The following GNG12 variants were observed in gnomAD, a reference collection of about 807,000 sequenced individuals.
The protein encoded by GNG12 is G protein subunit gamma 12, also known as guanine nucleotide-binding protein G(I)/G(S)/G(O) subunit gamma-12.
For missense variants in GNG12, 69 were observed against 83.8 expected, an observed-to-expected ratio of 0.82 and a Z score of 0.69; for synonymous variants, 28 against 29.7, an observed-to-expected ratio of 0.94 and a Z score of 0.19.
chr1:67,723,149 A>G (rs1646365421), intron 2 of GNG12, among the ~76,000 whole-genome samples: 1 of 152,246 alleles, frequency 6.6e-6, no homozygotes, highest in African/African-American at 2.4e-5. Context: ...GAGAGCTGTG[A>G]AAATGTAAGA....
chr1:67,722,220 T>C (rs1646360190), intron 2 of GNG12, among the ~76,000 whole-genome samples: 1 of 151,976 alleles, frequency 6.6e-6, no homozygotes, highest in Admixed American at 6.5e-5. Context: ...AGAAGAGAAA[T>C]TAAATTCCTA....
chr1:67,832,344 A>C (rs1647051761), intron 1 of GNG12: 1 of 152,144 alleles, frequency 6.6e-6, no homozygotes, highest in South Asian at 2.1e-4. Context: ...TGACCACCAG[A>C]TGACCGGCCG....
At chr1:67,732,030 G>C (rs1010574467) in intron 2 of GNG12, among the ~76,000 whole-genome samples, 2 of 152,324 alleles carry the variant, frequency 1.3e-5, no homozygotes, top group South Asian at 4.1e-4. Flanking sequence ...AATAAGGAAA[G>C]AAGGTGGGAA....
At chr1:67,796,559 T>C (rs527585689) in intron 1 of GNG12, among the ~76,000 whole-genome samples, 32 of 152,312 alleles carry the variant, frequency 2.1e-4, no homozygotes, top group Admixed American at 1.8e-3. Context: ...ACAGAGTGTA[T>C]GACAGATAGT....
At chr1:67,833,110 T>A (rs1170684704) in intron 1 of GNG12, among the ~76,000 whole-genome samples, 2 of 148,488 alleles carry the variant, frequency 1.3e-5, no homozygotes, top group South Asian at 2.2e-4. Context: ...CGGTGTCCCT[T>A]GGCCCCTTCC....
chr1:67,800,057 G>C (rs942879015), intron 1 of GNG12, among the ~76,000 whole-genome samples: 1 of 152,120 alleles, frequency 6.6e-6, no homozygotes, highest in African/African-American at 2.4e-5. Context: ...CTTCTTACAG[G>C]CTGGCTGAAA....
At chr1:67,776,361 T>C (rs942630066) in intron 2 of GNG12, among the ~76,000 whole-genome samples, 6 of 152,192 alleles carry the variant, frequency 3.9e-5, no homozygotes, top group Admixed American at 2.6e-4. Context: ...ATGGCTACAT[T>C]TCTTCCCCTC....
rs112842435 is a variant in GNG12 at position 67,722,432 on chromosome 1, G to C, written c.-26-14720C>G. On this transcript the variant is annotated intron_variant, in intron 2 of 3. Coordinates refer to ENST00000370982, the MANE Select transcript of GNG12 (RefSeq NM_018841.6). The stretch of plus-strand genomic sequence containing the variant: ...GGTGGTTAAAGGGCTTACAACTCCA[G>C]CACGATGGACTGAGTCCTGCACATA... Among the ~76,000 whole-genome samples, 657 of 152,290 alleles carry C rather than the reference G, an allele frequency of 4.3e-3. 7 individuals carry two copies. Among genetic ancestry groups the C allele is most frequent in the African/African-American group, 0.015 (606 of 41,566 alleles).
chr1:67,817,369 T>A (rs919024044), intron 1 of GNG12, among the ~76,000 whole-genome samples: 6 of 152,204 alleles, frequency 3.9e-5, no homozygotes, highest in African/African-American at 4.8e-5. Flanking sequence ...TTCCCCATTT[T>A]ACAGATAAGG....
chr1:67,744,511 TAAG>T (rs974976994), intron 2 of GNG12, among the ~76,000 whole-genome samples: 2 of 152,148 alleles, frequency 1.3e-5, no homozygotes, highest in Non-Finnish European at 2.9e-5. Context: ...AGAACATTTG[TAAG>T]AAGGAGCACC....
chr1:67,751,951 G>A (rs1230563255), intron 2 of GNG12, among the ~76,000 whole-genome samples: 1 of 152,186 alleles, frequency 6.6e-6, no homozygotes, highest in Non-Finnish European at 1.5e-5. Context: ...CCAGGTTAAT[G>A]GCTGTGAAGG....
At chr1:67,820,774 A>G (rs1259392667) in intron 1 of GNG12, among the ~76,000 whole-genome samples, 1 of 152,202 alleles carries the variant, frequency 6.6e-6, no homozygotes, top group Non-Finnish European at 1.5e-5. Flanking sequence ...GGAGTGAGAA[A>G]GTGTATGTGA....
At chr1:67,764,313 G>A (rs182474018) in intron 2 of GNG12, among the ~76,000 whole-genome samples, 8 of 152,164 alleles carry the variant, frequency 5.3e-5, no homozygotes, top group Admixed American at 4.6e-4. Flanking sequence ...AAGAGGTGGG[G>A]CATCTCTTGG....
intron 2 of GNG12, among the ~76,000 whole-genome samples, chr1:67,711,049 C>A (rs1168600283): frequency 6.6e-6 from 1 of 151,920 alleles, no homozygotes; most frequent in Non-Finnish European, 1.5e-5. Context: ...AACTCAATTT[C>A]TCTTCTGAAA....
chr1:67,709,974 TTA>T lies in GNG12; in HGVS notation c.-26-2264_-26-2263del, dbSNP rs5774884. Among the ~76,000 whole-genome samples the T allele has an allele frequency of 2.5e-3, 31 of 12,262 alleles. 2 individuals are homozygous for T. Among genetic ancestry groups the T allele is most frequent in the South Asian group, 5.1e-3 (1 of 196 alleles). 8.0% of individuals were successfully genotyped at this position (12,262 alleles called of 152,430 possible). A position where few individuals can be genotyped will look rare whatever the true frequency, so the allele number is the denominator to read the frequency against. Reference sequence around the variant, plus strand: ...GTTATATATATAGTTATATATATAGTTATATATATATAGTTATATATATAGTT... The same window carrying T: ...GTTATATATATAGTTATATATATAGTTATATATATAGTTATATATATAGTT... On this transcript the variant is annotated intron_variant, in intron 2 of 3. Transcript: ENST00000370982.
chr1:67,830,583 T>C (rs1647037712), intron 1 of GNG12, among the ~76,000 whole-genome samples: 1 of 152,236 alleles, frequency 6.6e-6, no homozygotes, highest in Non-Finnish European at 1.5e-5. Flanking sequence ...GCTTAATTTC[T>C]TACCTAGGGC....
At chr1:67,771,329 G>A (rs917289022) in intron 2 of GNG12, among the ~76,000 whole-genome samples, 2 of 152,200 alleles carry the variant, frequency 1.3e-5, no homozygotes, top group Non-Finnish European at 2.9e-5. Flanking sequence ...ACTCCTTGAG[G>A]CGGATATTTG....
At chr1:67,797,598 G>GA (rs1646839728) in intron 1 of GNG12, among the ~76,000 whole-genome samples, 2 of 152,214 alleles carry the variant, frequency 1.3e-5, no homozygotes, top group African/African-American at 4.8e-5. Context: ...GCAGCTTAGG[G>GA]AAAACAGTCC....
rs535547202 is a variant in GNG12, at chr1:67,817,117, G to A, written c.-77+16227C>T. On this transcript the variant is annotated intron_variant, in intron 1 of 3. Coordinates refer to ENST00000370982, the MANE Select transcript of GNG12 (RefSeq NM_018841.6). ...CAACGGGTACAATATATTCCACAGA[G>A]CAAACAGAAATGTGGTAGATAAAGC... 1.1e-4 allele frequency among the ~76,000 whole-genome samples: 16 copies of A among 152,290 alleles called. No individual in the cohort carries two copies. The South Asian group carries it at 3.1e-3, about 30-fold the overall frequency.
Sources: gnomAD v4.1 joint callset for allele counts (sites outside exome capture counted in the v4.1 genomes callset) on GRCh38, gnomAD v4.1.1 for gene constraint, MANE v1.5 for transcripts, NCBI Gene and HGNC (gene_info 2026-07-23, HGNC 2026-07-21) for gene names.